Variants in NSMCE2 observed in about 807,000 individuals in gnomAD.
NSMCE2 encodes the protein NSE2 SUMO ligase component of SMC5/6 complex.
NSMCE2 carries 24 observed loss-of-function variants against 23.8 expected under a neutral mutation model. The observed-to-expected ratio is 1.01, with a 90% CI of 0.73 to 1.42. NSMCE2 has a LOEUF of 1.42. Ranked by LOEUF, NSMCE2 falls within the 40% of genes most tolerant of loss-of-function variation. The probability of loss-of-function intolerance (pLI) is 0.00; values close to 1 mark genes in which losing one functional copy is unlikely to be tolerated. For missense variants in NSMCE2, 284 were observed against 296.5 expected, an observed-to-expected ratio of 0.96 and a Z score of 0.31; for synonymous variants, 92 against 94.1, an observed-to-expected ratio of 0.98 and a Z score of 0.13.
chr8:125,322,826 A>T (rs143208899), intron 5 of NSMCE2, among the ~76,000 whole-genome samples: 2 of 152,388 alleles, frequency 1.3e-5, no homozygotes, highest in African/African-American at 4.8e-5. Flanking sequence ...GAATTTAAAA[A>T]TTTTAAATGC....
At chr8:125,152,833 G>A (rs534454594) in intron 4 of NSMCE2, among the ~76,000 whole-genome samples, 17 of 152,020 alleles carry the variant, frequency 1.1e-4, no homozygotes, top group Admixed American at 6.5e-4. Context: ...CGAGGCAGGC[G>A]GATCACCTGA....
chr8:125,249,746 A>T (rs1006358124), intron 5 of NSMCE2, among the ~76,000 whole-genome samples: 9 of 152,148 alleles, frequency 5.9e-5, no homozygotes, highest in Non-Finnish European at 8.8e-5. Flanking sequence ...GCATCACATG[A>T]TCAAAGTTTC....
chr8:125,226,181 G>T (rs959591096), intron 5 of NSMCE2, among the ~76,000 whole-genome samples: 19 of 152,116 alleles, frequency 1.2e-4, no homozygotes, highest in African/African-American at 2.7e-4. Flanking sequence ...ATGAATTATG[G>T]AAATACTGCA....
intron 5 of NSMCE2, among the ~76,000 whole-genome samples, chr8:125,281,687 C>T (rs371870142): frequency 7.9e-5 from 12 of 151,758 alleles, no homozygotes; most frequent in Admixed American, 2.0e-4. Context: ...CAATCTTACC[C>T]GCCTCAGCCT....
At chr8:125,128,846 T>A (rs747285394) in intron 3 of NSMCE2, among the ~76,000 whole-genome samples, 4 of 152,172 alleles carry the variant, frequency 2.6e-5, no homozygotes, top group Non-Finnish European at 5.9e-5. Flanking sequence ...GTGATTACAT[T>A]AGGTCCACCC....
intron 5 of NSMCE2, among the ~76,000 whole-genome samples, chr8:125,342,172 G>A (rs903551095): frequency 6.6e-6 from 1 of 152,160 alleles, no homozygotes; most frequent in East Asian, 1.9e-4. Flanking sequence ...CACATTCTCT[G>A]TGGTTCTACT....
At chr8:125,147,863 C>T (rs116422054) in intron 3 of NSMCE2, among the ~76,000 whole-genome samples, 214 of 152,212 alleles carry the variant, frequency 1.4e-3, no homozygotes, top group African/African-American at 4.8e-3. Context: ...AAAAGAATTA[C>T]GAAAATCCTC....
intron 5 of NSMCE2, among the ~76,000 whole-genome samples, chr8:125,344,308 A>G (rs971593808): frequency 2.0e-5 from 3 of 152,218 alleles, no homozygotes. Flanking sequence ...AGCTCAAGCT[A>G]AATAATTACT....
chr8:125,195,974 A>C (rs1823595556), intron 5 of NSMCE2, among the ~76,000 whole-genome samples: 1 of 141,442 alleles, frequency 7.1e-6, no homozygotes, highest in East Asian at 2.0e-4. Context: ...GCAACCTCCA[A>C]CTCTTGGGTT....
intron 5 of NSMCE2, among the ~76,000 whole-genome samples, chr8:125,201,670 G>A (rs1001274862): frequency 6.6e-6 from 1 of 152,256 alleles, no homozygotes; most frequent in African/African-American, 2.4e-5. Context: ...TGAGGAAGCA[G>A]TGTGTCCATT....
intron 7 of NSMCE2, among the ~76,000 whole-genome samples, chr8:125,358,179 A>G (rs993996564): frequency 1.1e-4 from 16 of 152,014 alleles, no homozygotes; most frequent in African/African-American, 3.9e-4. Context: ...CTAAAAATAC[A>G]AAAATTAGCC....
chr8:125,208,056 A>G (rs1356843206), intron 5 of NSMCE2, among the ~76,000 whole-genome samples: 2 of 152,230 alleles, frequency 1.3e-5, no homozygotes, highest in East Asian at 3.8e-4. Flanking sequence ...TCAGTCAGCC[A>G]TCCAGCTCAT....
At chr8:125,173,071 G>A (rs1448722336) in intron 4 of NSMCE2, among the ~76,000 whole-genome samples, 1 of 152,138 alleles carries the variant, frequency 6.6e-6, no homozygotes, top group Non-Finnish European at 1.5e-5. Flanking sequence ...CTCTCATCCT[G>A]TTGCAACAAT....
chr8:125,316,603 TC>T (rs1260282548), intron 5 of NSMCE2, among the ~76,000 whole-genome samples: 20 of 142,428 alleles, frequency 1.4e-4, no homozygotes, highest in Admixed American at 7.4e-5. Context: ...TTTCTTTCCT[TC>T]TTTCCTTTCT....
intron 5 of NSMCE2, among the ~76,000 whole-genome samples, chr8:125,283,126 C>G (rs1355204563): frequency 6.6e-6 from 1 of 152,140 alleles, no homozygotes; most frequent in Non-Finnish European, 1.5e-5. Flanking sequence ...AGAGTTATGA[C>G]AATGATTAAA....
intron 5 of NSMCE2, among the ~76,000 whole-genome samples, chr8:125,300,089 G>T (rs547714987): frequency 1.3e-5 from 2 of 151,660 alleles, no homozygotes; most frequent in East Asian, 3.9e-4. Context: ...AAAATGCTGG[G>T]ATTACAGGCA....
chr8:125,337,697 C>A (rs1040618440), intron 5 of NSMCE2, among the ~76,000 whole-genome samples: 1 of 151,602 alleles, frequency 6.6e-6, no homozygotes, highest in African/African-American at 2.4e-5. Flanking sequence ...GAGTTTGAGA[C>A]CAGCCTGACC....
At chr8:125,297,245 G>GTAGC (rs1314082784) in intron 5 of NSMCE2, among the ~76,000 whole-genome samples, 2 of 152,246 alleles carry the variant, frequency 1.3e-5, no homozygotes, top group East Asian at 1.9e-4. Context: ...TGGCCAAAAG[G>GTAGC]TAGCTCTTCA....
Position 125,184,806 on chromosome 8 carries a change from T to C in NSMCE2, c.418+2550T>C, listed in dbSNP as rs572722887. 3.9e-4 allele frequency among the ~76,000 whole-genome samples: 60 copies of C among 152,290 alleles called. 1 individual carries two copies. The South Asian group carries it at 0.012, about 31-fold the overall frequency. On this transcript the variant is annotated intron_variant, in intron 5 of 7. Coordinates refer to ENST00000287437, the MANE Select transcript of NSMCE2 (RefSeq NM_173685.4). ...ATTAGGATCAGGCTCCCACAGTATTTGTGTAGCCAGGTCAAAGGTACACTA... is the reference window on the plus strand; with the variant it reads ...ATTAGGATCAGGCTCCCACAGTATTCGTGTAGCCAGGTCAAAGGTACACTA...
Sources: gnomAD v4.1 joint callset for allele counts (sites outside exome capture counted in the v4.1 genomes callset) on GRCh38, gnomAD v4.1.1 for gene constraint, MANE v1.5 for transcripts, NCBI Gene and HGNC (gene_info 2026-07-23, HGNC 2026-07-21) for gene names.